VWA3B: variants seen among roughly 807,000 people sequenced by gnomAD.
VWA3B encodes von Willebrand factor A domain-containing protein 3B.
Under a neutral mutation model 158.3 loss-of-function variants are expected in VWA3B, and 138 were observed. That is an observed-to-expected ratio of 0.87 (90% CI 0.76 to 1.00). The LOEUF is 1.00. Among genes scored for constraint, VWA3B ranks in the 50% least tolerant of loss-of-function variants. VWA3B has a pLI of 0.00. For synonymous variants in VWA3B, 596 were observed against 587.3 expected (o/e 1.01, Z -0.21); for missense variants, 1,555 against 1,565.1 (o/e 0.99, Z 0.11).
intron 8 of VWA3B, among the ~76,000 whole-genome samples, chr2:98,179,820 TTCTTTCTTTTTC>T (rs1419376799): frequency 3.5e-5 from 5 of 142,784 alleles, no homozygotes; most frequent in African/African-American, 1.1e-4. Context: ...CTTTCTTTCT[TTCTTTCTTTTTC>T]TTTCTTTCTT....
At chr2:98,301,691 G>C (rs10176056) in intron 25 of VWA3B, among the ~76,000 whole-genome samples, 49,219 of 152,072 alleles carry the variant, frequency 0.32, 8,592 homozygotes, top group Non-Finnish European at 0.4. Context: ...TGTTTGTTAA[G>C]GGTCTGTATT....
Position 98,248,481 on chromosome 2 carries a change from T to G in VWA3B, c.2674-1837T>G, listed in dbSNP as rs368118487. 3.2e-4 allele frequency among the ~76,000 whole-genome samples: 48 copies of G among 152,284 alleles called. No individual in the cohort carries two copies. In the East Asian group the frequency reaches 5.0e-3, roughly 16 times the overall value. ...TTTTATAGCTCTTGTTCCATGGTGATGTTGTAGATATCACAGATTCAAAGA... is the reference window on the plus strand; with the variant it reads ...TTTTATAGCTCTTGTTCCATGGTGAGGTTGTAGATATCACAGATTCAAAGA... On this transcript the variant is annotated intron_variant, in intron 19 of 27. Coordinates refer to ENST00000477737, the MANE Select transcript of VWA3B (RefSeq NM_144992.5).
intron 22 of VWA3B, among the ~76,000 whole-genome samples, 165 bp downstream of exon 22, chr2:98,271,048 G>A (rs1384007831): frequency 6.6e-6 from 1 of 151,832 alleles, no homozygotes; most frequent in African/African-American, 2.4e-5. Context: ...TCATCATAAA[G>A]GAAATGCCAT....
chr2:98,128,067 A>G, intron 5 of VWA3B, 172 bp from the exon 6 acceptor site: 1 of 700,310 alleles, frequency 1.4e-6, no homozygotes, highest in Non-Finnish European at 2.4e-6. Context: ...CAAGCCTTGA[A>G]TATCTCACTT....
At chr2:98,215,539 A>G (rs1009078871) in intron 13 of VWA3B, among the ~76,000 whole-genome samples, 3 of 151,662 alleles carry the variant, frequency 2.0e-5, no homozygotes, top group Admixed American at 1.3e-4. Flanking sequence ...TTTCTTTGAG[A>G]CAGAGTCTGG....
chr2:98,160,846 G>A (rs540317421), intron 7 of VWA3B, among the ~76,000 whole-genome samples: 4 of 152,326 alleles, frequency 2.6e-5, no homozygotes, highest in South Asian at 2.1e-4. Context: ...GTAGCCGTCC[G>A]TCTCTGTCAG....
At chr2:98,309,008 C>A (rs1259810132) in intron 26 of VWA3B, among the ~76,000 whole-genome samples, 1 of 151,808 alleles carries the variant, frequency 6.6e-6, no homozygotes, top group Non-Finnish European at 1.5e-5. Context: ...CTCGCCTCTA[C>A]TAAAAATACA....
intron 7 of VWA3B, among the ~76,000 whole-genome samples, chr2:98,135,936 T>A (rs1176261108): frequency 6.6e-6 from 1 of 152,240 alleles, no homozygotes; most frequent in East Asian, 1.9e-4. Context: ...ATCAGCCGTT[T>A]CACGCATTTT....
intron 12 of VWA3B, among the ~76,000 whole-genome samples, chr2:98,210,069 TA>T (rs1418338089): frequency 1.3e-5 from 2 of 152,164 alleles, no homozygotes; most frequent in Non-Finnish European, 2.9e-5. Context: ...GACCACAGAT[TA>T]AAAATACAGG....
chr2:98,156,731 A>G (rs1320253772), intron 7 of VWA3B, among the ~76,000 whole-genome samples: 1 of 149,450 alleles, frequency 6.7e-6, no homozygotes, highest in African/African-American at 2.5e-5. Flanking sequence ...CTGAATTTAC[A>G]TGTCAATAAA....
chr2:98,251,550 G>A (rs2105805146), intron 20 of VWA3B, among the ~76,000 whole-genome samples: 1 of 152,198 alleles, frequency 6.6e-6, no homozygotes, highest in Non-Finnish European at 1.5e-5. Context: ...TAAACTCTGA[G>A]CATTTGGCTT....
intron 7 of VWA3B, among the ~76,000 whole-genome samples, chr2:98,161,927 G>T (rs576892148): frequency 6.6e-6 from 1 of 152,234 alleles, no homozygotes; most frequent in South Asian, 2.1e-4. Context: ...GCCTGGTCTC[G>T]AACTCCTGAC....
the VWA3B span, among the ~76,000 whole-genome samples, chr2:98,318,947 C>T: frequency 9.2e-5 from 14 of 152,158 alleles, no homozygotes; most frequent in Non-Finnish European, 1.5e-4. Flanking sequence ...CTGTGGAACC[C>T]ATGGATATGA....
At chr2:98,134,687 C>T (rs1486288178) in intron 7 of VWA3B, among the ~76,000 whole-genome samples, 1 of 151,986 alleles carries the variant, frequency 6.6e-6, no homozygotes, top group African/African-American at 2.4e-5. Context: ...CCCCCACTCT[C>T]CCTCTTTTTA....
downstream of VWA3B, chr2:98,313,397 G>T (rs1388920396): frequency 6.6e-6 from 1 of 152,248 alleles, no homozygotes; most frequent in African/African-American, 2.4e-5. Context: ...AACAGTGCTT[G>T]TGGGAGGCAG....
rs1345487024 is a variant in VWA3B, at chr2:98,203,293, T to A, written c.1738-8637T>A. Among the ~76,000 whole-genome samples the A allele has an allele frequency of 2.6e-5, 4 of 152,254 alleles. No homozygotes were observed. The East Asian group carries it at 7.7e-4, about 29-fold the overall frequency. The stretch of plus-strand genomic sequence containing the variant: ...CCCTGTTCTGTTCTATTGTTATATG[T>A]GTTAATGTCTCCATTAGGACCACAC... On this transcript the variant is annotated intron_variant, in intron 12 of 27. Coordinates refer to ENST00000477737, the MANE Select transcript of VWA3B (RefSeq NM_144992.5).
At chr2:98,276,380 G>C (rs560423220) in intron 22 of VWA3B, among the ~76,000 whole-genome samples, 9 of 152,262 alleles carry the variant, frequency 5.9e-5, no homozygotes, top group African/African-American at 2.2e-4. Flanking sequence ...GGTGAAAAAC[G>C]CATCAGAGAT....
chr2:98,218,107 G>T, intron 14 of VWA3B, 79 bp downstream of exon 14: 5 of 1,435,034 alleles, frequency 3.5e-6, no homozygotes, highest in Non-Finnish European at 3.7e-6. Flanking sequence ...TAATACCTTC[G>T]TTGGGAAAAT....
intron 8 of VWA3B, among the ~76,000 whole-genome samples, chr2:98,169,533 A>G (rs1679396056): frequency 6.6e-6 from 1 of 152,252 alleles, no homozygotes; most frequent in Admixed American, 6.5e-5. Flanking sequence ...CATAAATCTA[A>G]CCATACGTAT....
Sources: gnomAD v4.1 joint callset for allele counts (sites outside exome capture counted in the v4.1 genomes callset) on GRCh38, gnomAD v4.1.1 for gene constraint, MANE v1.5 for transcripts, NCBI Gene and HGNC (gene_info 2026-07-23, HGNC 2026-07-21) for gene names.